Variants in MACROD2 observed in about 807,000 individuals in gnomAD.
The protein encoded by MACROD2 is ADP-ribose glycohydrolase MACROD2.
MACROD2 carries 36 observed loss-of-function variants against 70.4 expected under a neutral mutation model. The observed-to-expected ratio is 0.51, with a 90% confidence interval of 0.39 to 0.68. The LOEUF is 0.68. Among genes scored for constraint, MACROD2 ranks in the 30% least tolerant of loss-of-function variants. The pLI is 0.00. For missense variants in MACROD2, 496 were observed against 538.4 expected, an observed-to-expected ratio of 0.92 and a Z score of 0.78; for synonymous variants, 172 against 178.8, an observed-to-expected ratio of 0.96 and a Z score of 0.30.
chr20:14,298,451 C>T (rs919328769), intron 3 of MACROD2, among the ~76,000 whole-genome samples: 5 of 151,386 alleles, frequency 3.3e-5, no homozygotes, highest in African/African-American at 1.2e-4. Context: ...GTCTGTAATC[C>T]TAGCTACTCA....
intron 7 of MACROD2, among the ~76,000 whole-genome samples, chr20:15,489,399 G>A (rs573305756): frequency 2.7e-4 from 41 of 152,180 alleles, no homozygotes; most frequent in Non-Finnish European, 5.6e-4. Flanking sequence ...CAAAAGTTCT[G>A]TAGTGAGCCA....
At chr20:14,506,160 G>A (rs1190502960) in intron 4 of MACROD2, among the ~76,000 whole-genome samples, 4 of 152,148 alleles carry the variant, frequency 2.6e-5, no homozygotes, top group Admixed American at 2.6e-4. Context: ...TTGGCCAGAT[G>A]AGGGCCAAAA....
intron 5 of MACROD2, among the ~76,000 whole-genome samples, chr20:15,085,716 G>C (rs552629447): frequency 6.6e-6 from 1 of 151,888 alleles, no homozygotes; most frequent in South Asian, 2.1e-4. Flanking sequence ...GATTCCTTTG[G>C]TCTACACTGA....
intron 5 of MACROD2, among the ~76,000 whole-genome samples, chr20:15,018,035 T>G (rs915016923): frequency 1.3e-5 from 2 of 152,116 alleles, no homozygotes; most frequent in Non-Finnish European, 2.9e-5. Context: ...TTATGCAAAT[T>G]TCTGCAGCCG....
intron 2 of MACROD2, among the ~76,000 whole-genome samples, chr20:14,046,999 C>G (rs1039594969): frequency 6.6e-6 from 1 of 151,986 alleles, no homozygotes; most frequent in African/African-American, 2.4e-5. Context: ...CATTGAATTA[C>G]AATGCCTATA....
chr20:14,632,283 A>G (rs891875444), intron 4 of MACROD2, among the ~76,000 whole-genome samples: 1 of 152,170 alleles, frequency 6.6e-6, no homozygotes, highest in African/African-American at 2.4e-5. Flanking sequence ...TTTAAATATT[A>G]TATGTCAAGG....
intron 5 of MACROD2, among the ~76,000 whole-genome samples, chr20:14,906,740 C>T (rs2073964274): frequency 6.6e-6 from 1 of 152,092 alleles, no homozygotes; most frequent in African/African-American, 2.4e-5. Context: ...TTTTTGTCTC[C>T]AAGTATAACA....
intron 3 of MACROD2, among the ~76,000 whole-genome samples, chr20:14,151,067 G>T (rs531064668): frequency 6.6e-6 from 1 of 152,302 alleles, no homozygotes; most frequent in East Asian, 1.9e-4. Flanking sequence ...TAATGTGCTA[G>T]TAAATGCACT....
At chr20:14,468,951 T>C (rs2123040720) in intron 3 of MACROD2, among the ~76,000 whole-genome samples, 2 of 152,276 alleles carry the variant, frequency 1.3e-5, no homozygotes, top group South Asian at 4.1e-4. Flanking sequence ...GTTAATATTG[T>C]TATGTGTGAA....
intron 5 of MACROD2, among the ~76,000 whole-genome samples, chr20:15,177,233 G>T (rs1328599152): frequency 6.6e-6 from 1 of 152,198 alleles, no homozygotes; most frequent in African/African-American, 2.4e-5. Context: ...AGGCAGAAAG[G>T]TTTCTGGCTG....
Position 14,329,801 on chromosome 20 carries a change from A to G in MACROD2, c.272-163678A>G, listed in dbSNP as rs576032930. 3.3e-5 allele frequency among the ~76,000 whole-genome samples: 5 copies of G among 152,172 alleles called. No individual in the cohort carries two copies. The South Asian group carries it at 1.0e-3, about 32-fold the overall frequency. ...AATTTAGAGTTGAAAAGACTATTTT[A>G]AAAGCTTTTCTTTTGATTTGCTTAG... On this transcript the variant is annotated intron_variant, in intron 3 of 17. Coordinates refer to ENST00000684519, the MANE Select transcript of MACROD2 (RefSeq NM_001351661.2).
At chr20:14,578,181 T>C (rs1268345662) in intron 4 of MACROD2, among the ~76,000 whole-genome samples, 1 of 151,202 alleles carries the variant, frequency 6.6e-6, no homozygotes, top group Admixed American at 6.6e-5. Context: ...ATATTACACA[T>C]ATATCAATGG....
intron 5 of MACROD2, among the ~76,000 whole-genome samples, chr20:14,890,102 C>A (rs1267662739): frequency 1.3e-5 from 2 of 152,050 alleles, no homozygotes; most frequent in African/African-American, 4.8e-5. Context: ...GTAATCGCTT[C>A]CAGCTGTTAT....
chr20:15,065,517 CGGTG>C (rs1253821235), intron 5 of MACROD2, among the ~76,000 whole-genome samples: 2 of 151,890 alleles, frequency 1.3e-5, no homozygotes, highest in Admixed American at 1.3e-4. Flanking sequence ...TAGCCAGGCT[CGGTG>C]GCAGCGGCTG....
chr20:15,685,590 C>G lies in MACROD2; in HGVS notation c.646-177155C>G, dbSNP rs929400132. Among the ~76,000 whole-genome samples, 7 of 152,310 alleles carry G rather than the reference C, an allele frequency of 4.6e-5. No homozygotes were observed. In the South Asian group the frequency reaches 1.2e-3, roughly 27 times the overall value. ...TCTAGACAAGGGGGAAGACTCATCTCTCATCACACCATACTGACCCACTCC... is the reference window on the plus strand; with the variant it reads ...TCTAGACAAGGGGGAAGACTCATCTGTCATCACACCATACTGACCCACTCC... On this transcript the variant is annotated intron_variant, in intron 8 of 17. Coordinates refer to ENST00000684519, the MANE Select transcript of MACROD2 (RefSeq NM_001351661.2).
chr20:16,007,834 G>C (rs1485738530), intron 15 of MACROD2, among the ~76,000 whole-genome samples: 1 of 152,016 alleles, frequency 6.6e-6, no homozygotes, highest in African/African-American at 2.4e-5. Context: ...TATGACACTC[G>C]AGAGGGTATG....
At chr20:15,461,006 A>ATATATATATATATATATATTTTTTTTTT in intron 7 of MACROD2, among the ~76,000 whole-genome samples, 25 of 66,980 alleles carry the variant, frequency 3.7e-4, no homozygotes, top group African/African-American at 9.3e-4. Flanking sequence ...ATATATATAT[A>ATATATATATATATATATATTTTTTTTTT]TTTTTTTTTA....
At chr20:15,511,329 A>G (rs907441507) in intron 8 of MACROD2, among the ~76,000 whole-genome samples, 1 of 152,210 alleles carries the variant, frequency 6.6e-6, no homozygotes, top group Non-Finnish European at 1.5e-5. Flanking sequence ...AAATTTTCAC[A>G]TGTTCCTTAG....
At chr20:15,708,539 T>C (rs568129469) in intron 8 of MACROD2, among the ~76,000 whole-genome samples, 10 of 152,224 alleles carry the variant, frequency 6.6e-5, no homozygotes, top group African/African-American at 2.4e-4. Context: ...GAGAAGATAG[T>C]GGGAGGTCTC....
Sources: allele counts gnomAD v4.1 joint callset (sites outside exome capture counted in the v4.1 genomes callset), GRCh38; gene constraint gnomAD v4.1.1; transcripts MANE v1.5; gene names NCBI Gene and HGNC (gene_info 2026-07-23, HGNC 2026-07-21).